HMGCLL1: variants seen among roughly 807,000 people sequenced by gnomAD.
HMGCLL1 encodes the protein 3-hydroxy-3-methylglutaryl-CoA lyase like 1, also known as 3-hydroxymethyl-3-methylglutaryl-CoA lyase, cytoplasmic.
Under a neutral mutation model 39.1 loss-of-function variants are expected in HMGCLL1, and 36 were observed. That is an observed-to-expected ratio of 0.92 (90% CI 0.71 to 1.22). The LOEUF is 1.22. HMGCLL1 is among the 50% of genes most tolerant of loss of function. The probability of loss-of-function intolerance (pLI) is 0.00; values close to 1 mark genes in which losing one functional copy is unlikely to be tolerated. For missense variants in HMGCLL1, 451 were observed against 416.5 expected (o/e 1.08, Z -0.72); for synonymous variants, 149 against 144.0 (o/e 1.03, Z -0.25).
chr6:55,665,090 A>T, the HMGCLL1 span, among the ~76,000 whole-genome samples: 1 of 151,836 alleles, frequency 6.6e-6, no homozygotes, highest in East Asian at 2.0e-4. Context: ...GCAAGAGTAC[A>T]ATTACTAGGG....
chr6:55,654,008 G>A, the HMGCLL1 span, among the ~76,000 whole-genome samples: 1 of 152,116 alleles, frequency 6.6e-6, no homozygotes, highest in East Asian at 1.9e-4. Flanking sequence ...AGGAAAGAGG[G>A]CAGTATTTAA....
intron 3 of HMGCLL1, among the ~76,000 whole-genome samples, chr6:55,521,836 C>G (rs1768056965): frequency 6.6e-6 from 1 of 151,992 alleles, no homozygotes; most frequent in Non-Finnish European, 1.5e-5. Context: ...CACTTTAAAT[C>G]AAAAGCTAAA....
chr6:55,675,149 G>A, the HMGCLL1 span, among the ~76,000 whole-genome samples: 1 of 152,050 alleles, frequency 6.6e-6, no homozygotes, highest in Non-Finnish European at 1.5e-5. Context: ...GTAAACATGG[G>A]CATAAGGTAG....
the HMGCLL1 span, among the ~76,000 whole-genome samples, chr6:55,585,204 C>G: frequency 6.6e-6 from 1 of 152,060 alleles, no homozygotes; most frequent in Non-Finnish European, 1.5e-5. Context: ...TGATGAGTAC[C>G]TGGCAGCAAA....
intron 5 of HMGCLL1, among the ~76,000 whole-genome samples, chr6:55,500,214 A>G (rs1318829930): frequency 1.3e-5 from 2 of 152,042 alleles, no homozygotes; most frequent in Non-Finnish European, 2.9e-5. Context: ...TTTGAACGCC[A>G]TTCCAAGTTG....
intron 1 of HMGCLL1, among the ~76,000 whole-genome samples, chr6:55,553,570 T>G (rs980608010): frequency 1.3e-5 from 2 of 152,196 alleles, no homozygotes; most frequent in Admixed American, 1.3e-4. Context: ...CATTCTCCTC[T>G]GTTAAAAGTG....
intron 7 of HMGCLL1, among the ~76,000 whole-genome samples, chr6:55,493,064 AT>A (rs1766395972): frequency 6.7e-6 from 1 of 149,936 alleles, no homozygotes; most frequent in African/African-American, 2.4e-5. Flanking sequence ...ATATTAACAT[AT>A]AAAAATACAT....
intron 1 of HMGCLL1, chr6:55,577,232 T>C (rs1414599802): frequency 1.5e-5 from 23 of 1,495,774 alleles, no homozygotes; most frequent in Admixed American, 4.2e-5. Flanking sequence ...TCAATTACGA[T>C]AAGATAGAAA....
chr6:55,657,757 G>C, the HMGCLL1 span, among the ~76,000 whole-genome samples: 1 of 151,986 alleles, frequency 6.6e-6, no homozygotes, highest in Non-Finnish European at 1.5e-5. Flanking sequence ...ATCATTTGCA[G>C]AAACATGGGT....
chr6:55,657,555 T>C, the HMGCLL1 span, among the ~76,000 whole-genome samples: 1 of 151,964 alleles, frequency 6.6e-6, no homozygotes, highest in African/African-American at 2.4e-5. Flanking sequence ...GTGTCTGTTT[T>C]TGTACCAGTA....
the HMGCLL1 span, among the ~76,000 whole-genome samples, chr6:55,630,737 T>A: frequency 6.7e-6 from 1 of 149,734 alleles, no homozygotes; most frequent in Non-Finnish European, 1.5e-5. Flanking sequence ...GATGGTTTTA[T>A]AAGGGGGACT....
chr6:55,587,927 A>T, the HMGCLL1 span, among the ~76,000 whole-genome samples: 1 of 152,198 alleles, frequency 6.6e-6, no homozygotes, highest in Admixed American at 6.5e-5. Flanking sequence ...ACCTACAAAG[A>T]GACGTAGACT....
chr6:55,482,055 C>G lies in HMGCLL1; in HGVS notation c.795+13364G>C, dbSNP rs531334314. 7.2e-5 allele frequency among the ~76,000 whole-genome samples: 11 copies of G among 152,214 alleles called. No individual in the cohort carries two copies. The East Asian group carries it at 1.9e-3, about 27-fold the overall frequency. On this transcript the variant is annotated intron_variant, in intron 7 of 8. Transcript: ENST00000274901. ...TTTCCACTTCTTCATAAAGTAGTCA[C>G]ATCTTCCCACTTATATGAACTCACT...
intron 3 of HMGCLL1, among the ~76,000 whole-genome samples, chr6:55,530,765 G>C (rs1768617101): frequency 1.3e-5 from 2 of 152,064 alleles, no homozygotes; most frequent in South Asian, 2.1e-4. Context: ...TTACTAAATA[G>C]TACTTCTAGA....
At chr6:55,457,331 T>C (rs1447086030) in intron 7 of HMGCLL1, among the ~76,000 whole-genome samples, 3 of 152,180 alleles carry the variant, frequency 2.0e-5, no homozygotes, top group Admixed American at 6.5e-5. Flanking sequence ...CCTGCAGAGA[T>C]AGCTTCCTTG....
At chr6:55,539,052 G>A (rs564428063) in intron 3 of HMGCLL1, among the ~76,000 whole-genome samples, 5 of 152,184 alleles carry the variant, frequency 3.3e-5, no homozygotes, top group African/African-American at 7.2e-5. Context: ...GCAGAGAAAC[G>A]CAGAAATACA....
chr6:55,661,884 T>C, the HMGCLL1 span, among the ~76,000 whole-genome samples: 1 of 152,012 alleles, frequency 6.6e-6, no homozygotes, highest in Non-Finnish European at 1.5e-5. Context: ...TAATCTCTGA[T>C]TTCTTTGAGC....
chr6:55,476,149 A>G (rs1455438724), intron 7 of HMGCLL1, among the ~76,000 whole-genome samples: 2 of 151,736 alleles, frequency 1.3e-5, no homozygotes, highest in South Asian at 2.1e-4. Flanking sequence ...CATTGAATCT[A>G]TGGATCAATT....
intron 7 of HMGCLL1, among the ~76,000 whole-genome samples, chr6:55,446,950 T>C (rs1456258197): frequency 1.3e-5 from 2 of 152,016 alleles, no homozygotes; most frequent in Admixed American, 6.6e-5. Context: ...TATAGTAATG[T>C]TAGATTTAAT....
Sources: allele counts gnomAD v4.1 joint callset (sites outside exome capture counted in the v4.1 genomes callset), GRCh38; gene constraint gnomAD v4.1.1; transcripts MANE v1.5; gene names NCBI Gene and HGNC (gene_info 2026-07-23, HGNC 2026-07-21).